ATF7IP2: variants seen among roughly 807,000 people sequenced by gnomAD.
ATF7IP2 encodes activating transcription factor 7 interacting protein 2.
ATF7IP2 carries 42 observed loss-of-function variants against 64.2 expected under a neutral mutation model. The ratio of observed to expected loss-of-function variants is 0.65; its 90% CI spans 0.51 to 0.85. ATF7IP2 has a LOEUF of 0.85. ATF7IP2 is among the 40% of genes least tolerant of loss of function. The probability of loss-of-function intolerance (pLI) is 0.00; values close to 1 mark genes in which losing one functional copy is unlikely to be tolerated. For synonymous variants in ATF7IP2, 308 were observed against 272.8 expected (o/e 1.13, Z -1.27); for missense variants, 933 against 784.2 (o/e 1.19, Z -2.27).
At chr16:10,473,431 C>T (rs1189943616) in intron 10 of ATF7IP2, 48 bp from the exon 11 acceptor site, 22 of 1,137,340 alleles carry the variant, frequency 1.9e-5, no homozygotes, top group Non-Finnish European at 2.6e-5. Flanking sequence ...TTTCACAAAG[C>T]CCATAAATAT....
intron 1 of ATF7IP2, among the ~76,000 whole-genome samples, chr16:10,400,979 G>T (rs1596439617): frequency 1.3e-5 from 2 of 152,150 alleles, no homozygotes; most frequent in East Asian, 3.9e-4. Context: ...TGGGAATATA[G>T]GTATGAGCCA....
chr16:10,439,306 T>C (rs2048528696), intron 7 of ATF7IP2, among the ~76,000 whole-genome samples: 2 of 152,026 alleles, frequency 1.3e-5, no homozygotes, highest in South Asian at 4.2e-4. Flanking sequence ...CTCGGCTCAC[T>C]GCAAGCTCTG....
At chr16:10,460,293 TGG>T (rs2049331229) in intron 9 of ATF7IP2, among the ~76,000 whole-genome samples, 1 of 152,128 alleles carries the variant, frequency 6.6e-6, no homozygotes, top group East Asian at 1.9e-4. Context: ...AAAAGATATA[TGG>T]TGTGGACAAA....
chr16:10,432,749 A>G (rs917345932), intron 5 of ATF7IP2, among the ~76,000 whole-genome samples: 1 of 152,082 alleles, frequency 6.6e-6, no homozygotes, highest in Non-Finnish European at 1.5e-5. Context: ...GTGGGCACCT[A>G]TTATTATTAT....
chr16:10,432,680 C>T (rs892143393), intron 5 of ATF7IP2, among the ~76,000 whole-genome samples: 4 of 152,118 alleles, frequency 2.6e-5, no homozygotes, highest in Non-Finnish European at 5.9e-5. Context: ...ACCAGCCTGG[C>T]CAACATGGCG....
intron 3 of ATF7IP2, among the ~76,000 whole-genome samples, chr16:10,422,296 G>A (rs573660197): frequency 1.4e-4 from 22 of 152,242 alleles, no homozygotes; most frequent in Admixed American, 5.2e-4. Flanking sequence ...AAACCTTGGC[G>A]GGACTTTGTC....
In ATF7IP2 at chr16:10,475,024, T is replaced by G. The variant is rs116335595; in HGVS notation, c.1549+1035T>G. Among the ~76,000 whole-genome samples the G allele has an allele frequency of 8.1e-3, 1,229 of 151,958 alleles. 12 individuals are homozygous for G. Among genetic ancestry groups the G allele is most frequent in the African/African-American group, 0.028 (1,145 of 41,428 alleles). On this transcript the variant is annotated intron_variant, in intron 12 of 13. Coordinates refer to ENST00000562102, the MANE Select transcript of ATF7IP2 (RefSeq NM_001393719.1). ...TAGGGAAACCCCATCTCTACAAAAA[T>G]AAGAATAAATAAAGCAAAATTAAAA...
chr16:10,461,644 C>T (rs1269633168), intron 9 of ATF7IP2, among the ~76,000 whole-genome samples: 3 of 152,014 alleles, frequency 2.0e-5, no homozygotes, highest in Non-Finnish European at 4.4e-5. Flanking sequence ...AAACAAAGTG[C>T]ATGATTCAGG....
intron 6 of ATF7IP2, among the ~76,000 whole-genome samples, chr16:10,434,943 G>A (rs1489517948): frequency 8.5e-5 from 13 of 152,144 alleles, no homozygotes. Flanking sequence ...CTTTTTGTGT[G>A]TATTTTTAGT....
chr16:10,476,585 G>C (rs892760301), intron 12 of ATF7IP2, among the ~76,000 whole-genome samples: 1 of 151,968 alleles, frequency 6.6e-6, no homozygotes, highest in Non-Finnish European at 1.5e-5. Context: ...GTGGTTTGCT[G>C]CACCTATCAA....
intron 1 of ATF7IP2, among the ~76,000 whole-genome samples, chr16:10,405,670 A>G (rs138811533): frequency 2.6e-5 from 4 of 152,250 alleles, no homozygotes; most frequent in African/African-American, 9.6e-5. Flanking sequence ...ATCTTCATCA[A>G]CGTCCTCCCA....
At chr16:10,433,677 T>G (rs1270016303) in intron 6 of ATF7IP2, 28 bp downstream of exon 6, 11 of 1,609,134 alleles carry the variant, frequency 6.8e-6, no homozygotes, top group Non-Finnish European at 8.5e-6. Context: ...AAATGGAACT[T>G]TTACTTTTGA....
chr16:10,416,249 C>A (rs902292179), intron 2 of ATF7IP2, among the ~76,000 whole-genome samples: 1 of 152,082 alleles, frequency 6.6e-6, no homozygotes, highest in South Asian at 2.1e-4. Context: ...TACATATACA[C>A]AATAGAATAC....
intron 1 of ATF7IP2, among the ~76,000 whole-genome samples, chr16:10,412,002 C>CTTTTTTTTTTTTTTT (rs1266034395): frequency 7.5e-5 from 1 of 13,412 alleles, no homozygotes; most frequent in Non-Finnish European, 1.5e-4. Context: ...TTTCATTTAT[C>CTTTTTTTTTTTTTTT]TTTTTTTGTT....
At position 10,457,481 on chromosome 16, in the gene ATF7IP2, G is replaced by A; in HGVS notation, c.1304G>A (p.Ser435Asn). The change falls in exon 9 of 14, where the codon AGT (serine) becomes AAT (asparagine). Residue 435 changes from serine (S) to asparagine (N), a missense_variant. Physicochemically the swap from Ser to Asn is conservative, Grantham distance 46. Coordinates refer to ENST00000562102, the MANE Select transcript of ATF7IP2 (RefSeq NM_001393719.1). ...YEPSNPSEKGSKKINLSSDQN... is the reference protein window; with the variant it reads ...YEPSNPSEKGNKKINLSSDQN... The stretch of plus-strand genomic sequence containing the variant: ...CCTTCTAACCCTTCCGAAAAAGGAA[G>A]TAAAAAAATTAATTTGTCATCAGAT... 3 of 1,596,140 alleles carry A rather than the reference G, an allele frequency of 1.9e-6. No individual in the cohort carries two copies. The highest frequency in any genetic ancestry group is 1.8e-5 in the Admixed American group (1 of 55,804).
At position 10,482,066 on chromosome 16, in the gene ATF7IP2, T is replaced by G. The variant is rs2050252640; in HGVS notation, c.1866T>G (p.Asn622Lys). 2 of 1,614,048 alleles carry G rather than the reference T, an allele frequency of 1.2e-6. No individual in the cohort carries two copies. The highest frequency in any genetic ancestry group is 8.5e-7 in the Non-Finnish European group (1 of 1,179,936). ...TCCTGTGTCATGAGAACTCTAATAA[T>G]AAGTTGATTTGGAAGAAGATTGGAG... ...HLFLCHENSNNKLIWKKIGEI... is the reference protein window; with the variant it reads ...HLFLCHENSNKKLIWKKIGEI... The change falls in exon 14 of 14, where the codon AAT becomes AAG. Residue 622 changes from asparagine (N) to lysine (K), a missense_variant. Asn to Lys is a moderately conservative substitution (Grantham distance 94). Transcript: ENST00000562102.
intron 4 of ATF7IP2, 84 bp from the exon 5 acceptor site, chr16:10,430,527 T>A: frequency 1.3e-6 from 1 of 754,394 alleles, no homozygotes; most frequent in Non-Finnish European, 2.1e-6. Context: ...TATTTTAATA[T>A]TGTAAATAAA....
At chr16:10,417,433 C>T (rs1203041012) in intron 2 of ATF7IP2, among the ~76,000 whole-genome samples, 2 of 152,102 alleles carry the variant, frequency 1.3e-5, no homozygotes, top group African/African-American at 2.4e-5. Context: ...AGCAGCTAGA[C>T]ATATCTCACA....
At chr16:10,455,510 T>TA (rs1362895341) in intron 8 of ATF7IP2, among the ~76,000 whole-genome samples, 1 of 152,228 alleles carries the variant, frequency 6.6e-6, no homozygotes, top group Non-Finnish European at 1.5e-5. Flanking sequence ...TTTGTTAAGG[T>TA]AACTTCAGGA....
Sources: gnomAD v4.1 joint callset for allele counts (sites outside exome capture counted in the v4.1 genomes callset) on GRCh38, gnomAD v4.1.1 for gene constraint, MANE v1.5 for transcripts, NCBI Gene and HGNC (gene_info 2026-07-23, HGNC 2026-07-21) for gene names.